SERPINI1: variants seen among roughly 807,000 people sequenced by gnomAD.
SERPINI1 encodes serpin family I member 1.
SERPINI1 carries 19 observed loss-of-function variants against 41.1 expected under a neutral mutation model. The ratio of observed to expected loss-of-function variants is 0.46; its 90% CI spans 0.32 to 0.68. The LOEUF (loss-of-function observed/expected upper bound fraction) is 0.68, where lower values mean the gene tolerates loss of function less well. SERPINI1 is among the 30% of genes least tolerant of loss of function. SERPINI1 has a pLI of 0.03. For missense variants in SERPINI1, 460 were observed against 479.2 expected (o/e 0.96, Z 0.37); for synonymous variants, 138 against 156.6 (o/e 0.88, Z 0.89).
chr3:167,759,563 A>T (rs1180565993), intron 1 of SERPINI1, among the ~76,000 whole-genome samples: 1 of 152,046 alleles, frequency 6.6e-6, no homozygotes, highest in East Asian at 1.9e-4. Context: ...TATAAGTCAG[A>T]GCTAAACACT....
chr3:167,801,738 A>G (rs1727905733), intron 5 of SERPINI1, among the ~76,000 whole-genome samples: 1 of 152,156 alleles, frequency 6.6e-6, no homozygotes, highest in Non-Finnish European at 1.5e-5. Flanking sequence ...GATTATTTAT[A>G]TTAATATTAT....
chr3:167,743,796 G>C (rs1725756080), intron 1 of SERPINI1, among the ~76,000 whole-genome samples: 1 of 152,114 alleles, frequency 6.6e-6, no homozygotes, highest in Non-Finnish European at 1.5e-5. Flanking sequence ...TATTACAGCA[G>C]TTACTATTGT....
At chr3:167,796,834 A>C (rs1205976424) in intron 5 of SERPINI1, among the ~76,000 whole-genome samples, 1 of 152,038 alleles carries the variant, frequency 6.6e-6, no homozygotes, top group East Asian at 1.9e-4. Context: ...ATATGTGTGC[A>C]TGTATCTTTA....
At chr3:167,782,771 A>G (rs1727179056) in intron 1 of SERPINI1, among the ~76,000 whole-genome samples, 2 of 152,168 alleles carry the variant, frequency 1.3e-5, no homozygotes, top group South Asian at 4.1e-4. Flanking sequence ...TTCATGAAGG[A>G]GACGAAAATA....
At chr3:167,772,893 T>TATATATATATATATATATAC (rs1391850018) in intron 1 of SERPINI1, among the ~76,000 whole-genome samples, 20 of 52,222 alleles carry the variant, frequency 3.8e-4, no homozygotes, top group African/African-American at 7.4e-4. Context: ...TATATATATA[T>TATATATATATATATATATAC]ACACACACAC....
At chr3:167,807,062 A>G (rs926605680) in intron 5 of SERPINI1, among the ~76,000 whole-genome samples, 182 bp from the exon 6 acceptor site, 23 of 152,140 alleles carry the variant, frequency 1.5e-4, no homozygotes, top group African/African-American at 2.2e-4. Flanking sequence ...TGTTATGTCA[A>G]TCTCTTTGAT....
chr3:167,823,723 C>T (rs1046058932), intron 7 of SERPINI1, among the ~76,000 whole-genome samples: 2 of 152,030 alleles, frequency 1.3e-5, no homozygotes, highest in African/African-American at 4.8e-5. Flanking sequence ...TATTTTCGTA[C>T]CCACTAACTA....
rs559006802 is a variant in SERPINI1 at position 167,777,966 on chromosome 3, C to G, written c.-18-11145C>G. Among the ~76,000 whole-genome samples the G allele has an allele frequency of 4.6e-5, 7 of 152,294 alleles. No individual in the cohort carries two copies. In the East Asian group the frequency reaches 1.4e-3, roughly 29 times the overall value. ...CTCCTTTTCCTCTCCATACTGCCCT[C>G]TCTCATCTTCTCTTGCCTTTTTACC... On this transcript the variant is annotated intron_variant, in intron 1 of 8. Transcript: ENST00000446050.
chr3:167,744,697 T>TAAATATATATA (rs1559992874), intron 1 of SERPINI1, among the ~76,000 whole-genome samples: 1 of 123,394 alleles, frequency 8.1e-6, no homozygotes, highest in African/African-American at 3.6e-5. Context: ...TAAACATATA[T>TAAATATATATA]AAATATATAT....
At chr3:167,792,495 G>A in intron 3 of SERPINI1, 95 bp from the exon 4 acceptor site, 2 of 988,254 alleles carry the variant, frequency 2.0e-6, no homozygotes, top group South Asian at 3.0e-5. Flanking sequence ...AGTTTCTCTG[G>A]ACCACTCTAT....
intron 1 of SERPINI1, among the ~76,000 whole-genome samples, chr3:167,750,713 G>A (rs6809761): frequency 0.21 from 31,942 of 152,002 alleles, 3,543 homozygotes; most frequent in African/African-American, 0.24. Context: ...GATGAGGAAA[G>A]TGGGGCATAG....
At chr3:167,775,025 C>T (rs1305429532) in intron 1 of SERPINI1, among the ~76,000 whole-genome samples, 4 of 151,818 alleles carry the variant, frequency 2.6e-5, no homozygotes, top group Non-Finnish European at 5.9e-5. Flanking sequence ...GACTAACAGC[C>T]CTATATCCTG....
intron 1 of SERPINI1, among the ~76,000 whole-genome samples, chr3:167,761,053 AG>A (rs900994277): frequency 8.3e-4 from 126 of 152,292 alleles, no homozygotes; most frequent in African/African-American, 3.0e-3. Flanking sequence ...TAACCTAGAG[AG>A]GGAGAAAACA....
intron 1 of SERPINI1, among the ~76,000 whole-genome samples, chr3:167,750,034 C>T (rs190452015): frequency 6.6e-6 from 1 of 152,268 alleles, no homozygotes; most frequent in Admixed American, 6.5e-5. Context: ...GTTACATTTC[C>T]ACTTTTCTGG....
chr3:167,818,786 T>C (rs1048817078), intron 6 of SERPINI1, among the ~76,000 whole-genome samples: 2 of 152,178 alleles, frequency 1.3e-5, no homozygotes, highest in African/African-American at 4.8e-5. Context: ...GGACACAGGC[T>C]AGTAATAAAG....
chr3:167,786,667 G>A lies in SERPINI1; in HGVS notation c.-18-2444G>A, dbSNP rs116503324. Among the ~76,000 whole-genome samples, 1,202 of 152,222 alleles carry A rather than the reference G, an allele frequency of 7.9e-3. 16 individuals are homozygous for A. Among genetic ancestry groups the A allele is most frequent in the African/African-American group, 0.028 (1,142 of 41,524 alleles). On this transcript the variant is annotated intron_variant, in intron 1 of 8. Transcript: ENST00000446050. ...GCCTAGAACATTACTGTATGTTACC[G>A]TAGAATTTATAAACACTGTATACTT...
chr3:167,815,331 C>T (rs999805853), intron 6 of SERPINI1, among the ~76,000 whole-genome samples: 1 of 151,928 alleles, frequency 6.6e-6, no homozygotes, highest in Non-Finnish European at 1.5e-5. Context: ...GAAAAAAAGG[C>T]TTCATTTTCT....
intron 1 of SERPINI1, among the ~76,000 whole-genome samples, chr3:167,786,570 T>TA (rs199503589): frequency 0.022 from 3,379 of 151,288 alleles, 57 homozygotes; most frequent in Middle Eastern, 0.041. Flanking sequence ...AAAGGACACT[T>TA]ACTATGAATG....
chr3:167,823,553 A>G (rs570055572), intron 7 of SERPINI1, among the ~76,000 whole-genome samples: 6 of 152,336 alleles, frequency 3.9e-5, no homozygotes, highest in African/African-American at 1.4e-4. Flanking sequence ...TAATGACATC[A>G]GGGTAAATGG....
Sources: gnomAD v4.1 joint callset for allele counts (sites outside exome capture counted in the v4.1 genomes callset) on GRCh38, gnomAD v4.1.1 for gene constraint, MANE v1.5 for transcripts, NCBI Gene and HGNC (gene_info 2026-07-23, HGNC 2026-07-21) for gene names.